Variants in PLEKHA8 observed in about 807,000 individuals in gnomAD.
The protein encoded by PLEKHA8 is pleckstrin homology domain containing A8.
In PLEKHA8, 36 loss-of-function variants were observed where a neutral mutation model predicts 68.2. The observed-to-expected ratio is 0.53, with a 90% CI of 0.40 to 0.70. PLEKHA8 has a LOEUF of 0.70. Among genes scored for constraint, PLEKHA8 ranks in the 30% least tolerant of loss-of-function variants. The pLI, the probability that PLEKHA8 is intolerant of heterozygous loss-of-function variation, is 0.00. For missense variants in PLEKHA8, 505 were observed against 615.4 expected (o/e 0.82, Z 1.90); for synonymous variants, 211 against 216.1 (o/e 0.98, Z 0.20).
chr7:30,079,594 A>G lies in PLEKHA8; in HGVS notation c.*807A>G. 2 of 814,884 alleles carry G rather than the reference A, an allele frequency of 2.5e-6. No homozygotes were observed. The highest frequency in any genetic ancestry group is 5.6e-5 in the South Asian group (1 of 17,754). 50.5% of individuals were successfully genotyped at this position (814,884 alleles called of 1,614,324 possible). A position where few individuals can be genotyped will look rare whatever the true frequency, so the allele number is the denominator to read the frequency against. On this transcript the variant is annotated 3_prime_UTR_variant, in exon 14 of 14. Transcript: ENST00000449726. Reference sequence around the variant, plus strand: ...CCAGAGGGATTATTACTCCACTTCAAAAGCAAGGTTTAGAAGTTGAGGGAT... The same window carrying G: ...CCAGAGGGATTATTACTCCACTTCAGAAGCAAGGTTTAGAAGTTGAGGGAT...
At chr7:30,039,531 GAAATA>G (rs1170556319) in intron 1 of PLEKHA8, among the ~76,000 whole-genome samples, 4 of 152,110 alleles carry the variant, frequency 2.6e-5, no homozygotes, top group Non-Finnish European at 4.4e-5. Context: ...AAACTAAAAT[GAAATA>G]AAATAAGATT....
At chr7:30,096,772 T>G (rs1347472173) in intron 13 of PLEKHA8, among the ~76,000 whole-genome samples, 28 of 152,214 alleles carry the variant, frequency 1.8e-4, no homozygotes, top group Admixed American at 1.8e-3. Context: ...GTCTTGACTC[T>G]TTATCCAATT....
At chr7:30,043,668 C>G (rs1477292622) in intron 1 of PLEKHA8, among the ~76,000 whole-genome samples, 2 of 152,176 alleles carry the variant, frequency 1.3e-5, no homozygotes, top group Non-Finnish European at 2.9e-5. Context: ...GCCTACCTAC[C>G]CAACTCCTTC....
Position 30,079,756 on chromosome 7 carries a change from CA to C in PLEKHA8, c.*970del. 1 of 693,426 alleles carries C rather than the reference CA, an allele frequency of 1.4e-6. No individual in the cohort carries two copies. Among genetic ancestry groups the C allele is most frequent in the Non-Finnish European group, 1.8e-6 (1 of 563,994 alleles). The allele number at this position is 693,426 out of a possible 1,614,324, so 43.0% of individuals were successfully genotyped here. A position where few individuals can be genotyped will look rare whatever the true frequency, so the allele number is the denominator to read the frequency against. On this transcript the variant is annotated 3_prime_UTR_variant, in exon 14 of 14. Coordinates refer to ENST00000449726, the MANE Select transcript of PLEKHA8 (RefSeq NM_001197026.2). ...CAGGCCTTATTTTGGCCTAAAGAAC[CA>C]GAGTCTAGGTGGTGGGACATAGGAA...
At chr7:30,053,181 G>C (rs192803922) in intron 7 of PLEKHA8, among the ~76,000 whole-genome samples, 1 of 152,232 alleles carries the variant, frequency 6.6e-6, no homozygotes, top group Non-Finnish European at 1.5e-5. Flanking sequence ...GATGTTATAC[G>C]TAACAGTGTG....
downstream of PLEKHA8, among the ~76,000 whole-genome samples, chr7:30,095,404 C>T (rs1331668804): frequency 1.3e-5 from 2 of 152,098 alleles, no homozygotes; most frequent in South Asian, 2.1e-4. Flanking sequence ...TGTTTGAGTT[C>T]ATTGTAGATT....
chr7:30,054,162 A>G (rs778646979), intron 7 of PLEKHA8, among the ~76,000 whole-genome samples: 1 of 152,226 alleles, frequency 6.6e-6, no homozygotes, highest in Non-Finnish European at 1.5e-5. Flanking sequence ...ACATTTGTCT[A>G]TACTATGAGA....
chr7:30,102,814 A>G (rs1795899063), intron 13 of PLEKHA8, among the ~76,000 whole-genome samples: 1 of 152,268 alleles, frequency 6.6e-6, no homozygotes, highest in African/African-American at 2.4e-5. Context: ...TGGGAGGCAT[A>G]GGTGCAAGGA....
chr7:30,082,769 A>G lies in PLEKHA8; in HGVS notation c.*3982A>G, dbSNP rs745392805. 5.4e-5 allele frequency: 53 copies of G among 985,194 alleles called. No homozygotes were observed. Among genetic ancestry groups the G allele is most frequent in the Admixed American group, 6.2e-5 (1 of 16,256 alleles). 61.0% of individuals were successfully genotyped at this position (985,194 alleles called of 1,614,324 possible). On this transcript the variant is annotated 3_prime_UTR_variant, in exon 14 of 14. Transcript: ENST00000449726. ...AGAGATTTTTTTTTAAGGAAACTTA[A>G]TCTGATTGTGAAAATCATACATATG...
chr7:30,098,054 C>G (rs1370009035), intron 13 of PLEKHA8, among the ~76,000 whole-genome samples: 3 of 152,188 alleles, frequency 2.0e-5, no homozygotes, highest in Admixed American at 2.0e-4. Flanking sequence ...AGTCAGGACC[C>G]TCAGCTGCAG....
At chr7:30,051,635 G>A (rs895545639) in intron 6 of PLEKHA8, among the ~76,000 whole-genome samples, 2 of 152,108 alleles carry the variant, frequency 1.3e-5, no homozygotes, top group African/African-American at 4.8e-5. Flanking sequence ...CTCAGGATGT[G>A]ATGTGGTCCT....
chr7:30,082,202 T>C lies in PLEKHA8; in HGVS notation c.*3415T>C, dbSNP rs1794968688. 1 of 985,208 alleles carries C rather than the reference T, an allele frequency of 1.0e-6. No homozygotes were observed. The highest frequency in any genetic ancestry group is 1.2e-6 in the Non-Finnish European group (1 of 829,914). 61.0% of individuals were successfully genotyped at this position (985,208 alleles called of 1,614,324 possible). On this transcript the variant is annotated 3_prime_UTR_variant, in exon 14 of 14. Transcript: ENST00000449726. ...TGCATGTTATTCTGATTATTAAACT[T>C]CCCCCAATGTCATATTCCATGATGA...
At chr7:30,074,030 C>T (rs771802268) in intron 12 of PLEKHA8, 41 bp from the exon 13 acceptor site, 5 of 1,520,754 alleles carry the variant, frequency 3.3e-6, no homozygotes, top group African/African-American at 2.8e-5. Context: ...ACATCAAATT[C>T]TGATGAAAGT....
At chr7:30,073,945 C>T in intron 12 of PLEKHA8, 126 bp from the exon 13 acceptor site, 2 of 675,454 alleles carry the variant, frequency 3.0e-6, no homozygotes, top group Non-Finnish European at 4.9e-6. Flanking sequence ...ATTATCACAC[C>T]ACTGTACTCT....
intron 13 of PLEKHA8, among the ~76,000 whole-genome samples, chr7:30,104,284 C>A (rs532724006): frequency 1.9e-4 from 29 of 152,332 alleles, no homozygotes; most frequent in Non-Finnish European, 4.0e-4. Flanking sequence ...CTGGTAATTT[C>A]TTTTAAACTC....
chr7:30,115,994 GCATA>G lies in PLEKHA8; in HGVS notation c.1363-13266_1363-13263del, dbSNP rs1562558688. ...TGTGCATGCATGCATGTATGCATAC[GCATA>G]CATACGCATACATACGCATACATAC... On this transcript the variant is annotated intron_variant, in intron 13 of 13. Coordinates refer to the PLEKHA8 transcript ENST00000396257. 60 of 135,084 alleles carry G rather than the reference GCATA, an allele frequency of 4.4e-4. 1 individual carries two copies. The highest frequency in any genetic ancestry group is 3.9e-3 in the Middle Eastern group (1 of 258). The allele number at this position is 135,084 out of a possible 1,614,324, so 8.4% of individuals were successfully genotyped here. A position where few individuals can be genotyped will look rare whatever the true frequency, so the allele number is the denominator to read the frequency against.
intron 13 of PLEKHA8, among the ~76,000 whole-genome samples, chr7:30,111,645 G>T (rs1475313810): frequency 1.3e-5 from 2 of 150,646 alleles, no homozygotes; most frequent in Non-Finnish European, 3.0e-5. Flanking sequence ...TTTGAGACAG[G>T]GTCTCGTTCT....
chr7:30,052,089 C>G, intron 6 of PLEKHA8, among the ~76,000 whole-genome samples: 1 of 152,118 alleles, frequency 6.6e-6, no homozygotes, highest in East Asian at 1.9e-4. Flanking sequence ...GTAAAGTGTG[C>G]AAAGTGGCAC....
At chr7:30,114,189 C>T (rs1047082062) in intron 13 of PLEKHA8, among the ~76,000 whole-genome samples, 28 of 152,180 alleles carry the variant, frequency 1.8e-4, no homozygotes, top group African/African-American at 6.3e-4. Context: ...GTGAGACACA[C>T]CTGCCCTACT....
Sources: allele counts gnomAD v4.1 joint callset (sites outside exome capture counted in the v4.1 genomes callset), GRCh38; gene constraint gnomAD v4.1.1; transcripts MANE v1.5; gene names NCBI Gene and HGNC (gene_info 2026-07-23, HGNC 2026-07-21).